JPH2: variants seen among roughly 807,000 people sequenced by gnomAD.
JPH2 encodes junctophilin 2.
JPH2 carries 38 observed loss-of-function variants against 55.9 expected under a neutral mutation model. The observed-to-expected ratio is 0.68, with a 90% CI of 0.52 to 0.89. The LOEUF (loss-of-function observed/expected upper bound fraction) is 0.89. Ranked by LOEUF, JPH2 falls within the 40% of genes least tolerant of loss-of-function variation. The pLI is 0.00. For missense variants in JPH2, 964 were observed against 1,037.6 expected, an observed-to-expected ratio of 0.93 and a Z score of 0.97; for synonymous variants, 480 against 472.4, an observed-to-expected ratio of 1.02 and a Z score of -0.21.
At position 44,151,629 on chromosome 20, in the gene JPH2, C is replaced by T. The variant is rs551279183; in HGVS notation, c.1169+7989G>A. Among the ~76,000 whole-genome samples the T allele has an allele frequency of 1.2e-4, 18 of 152,262 alleles. 1 individual carries two copies. Among genetic ancestry groups the T allele is most frequent in the South Asian group, 4.2e-4 (2 of 4,816 alleles). ...TTCCCCCAAGAGGGCTTGCAGAGAC[C>T]GGGGAGACCTGGTTCCCATGGTCCC... On this transcript the variant is annotated intron_variant, in intron 2 of 5. Transcript: ENST00000372980.
chr20:44,117,270 T>C (rs888494074), intron 3 of JPH2, among the ~76,000 whole-genome samples: 20 of 150,718 alleles, frequency 1.3e-4, no homozygotes, highest in Non-Finnish European at 2.7e-4. Flanking sequence ...AGAGCGAGAC[T>C]CCGTCTCAAA....
chr20:44,157,562 C>A (rs2072574609), intron 2 of JPH2, among the ~76,000 whole-genome samples: 1 of 152,218 alleles, frequency 6.6e-6, no homozygotes, highest in Admixed American at 6.5e-5. Context: ...ACTCACCTCA[C>A]AATAGGATTG....
At position 44,110,953 on chromosome 20, in the gene JPH2, T is replaced by C. The variant is rs963574591; in HGVS notation, c.*2565A>G. ...GGTGTGCCTGAACTCGAGCCTACTGTTGGTTGAGGGACCTTCTTCTCCAAC... is the reference window on the plus strand; with the variant it reads ...GGTGTGCCTGAACTCGAGCCTACTGCTGGTTGAGGGACCTTCTTCTCCAAC... On this transcript the variant is annotated 3_prime_UTR_variant, in exon 6 of 6. Transcript: ENST00000372980. Among the ~76,000 whole-genome samples, 4 of 152,164 alleles carry C rather than the reference T, an allele frequency of 2.6e-5. No individual in the cohort carries two copies. Among genetic ancestry groups the C allele is most frequent in the African/African-American group, 9.7e-5 (4 of 41,442 alleles).
chr20:44,107,187 A>T lies in JPH2; in HGVS notation c.*6331T>A, dbSNP rs1194772774. On this transcript the variant is annotated 3_prime_UTR_variant, in exon 6 of 6. Coordinates refer to ENST00000372980, the MANE Select transcript of JPH2 (RefSeq NM_020433.5). ...CAGGATTAGAAACTAGGTCTGTCCA[A>T]TTCCAAAGCCCCAACCCATCCCCAC... 6.6e-6 allele frequency among the ~76,000 whole-genome samples: 1 copy of T among 152,276 alleles called. No individual in the cohort carries two copies.
chr20:44,110,227 C>A lies in JPH2; in HGVS notation c.*3291G>T, dbSNP rs188110007. 6.6e-6 allele frequency among the ~76,000 whole-genome samples: 1 copy of A among 150,932 alleles called. No homozygotes were observed. The highest frequency in any genetic ancestry group is 1.5e-5 in the Non-Finnish European group (1 of 67,566). Reference sequence around the variant, plus strand: ...CCAACTCATCCAACACACACACATACACACACACACACAGACACACCCCAT... The same window carrying A: ...CCAACTCATCCAACACACACACATAAACACACACACACAGACACACCCCAT... On this transcript the variant is annotated 3_prime_UTR_variant, in exon 6 of 6. Coordinates refer to ENST00000372980, the MANE Select transcript of JPH2 (RefSeq NM_020433.5).
chr20:44,176,243 C>G (rs79529120), intron 1 of JPH2, among the ~76,000 whole-genome samples: 24 of 152,182 alleles, frequency 1.6e-4, no homozygotes, highest in Non-Finnish European at 2.8e-4. Flanking sequence ...TCACCTAATA[C>G]CTATTTTCCC....
At chr20:44,128,374 G>A (rs901929409) in intron 2 of JPH2, among the ~76,000 whole-genome samples, 1 of 152,160 alleles carries the variant, frequency 6.6e-6, no homozygotes, top group Non-Finnish European at 1.5e-5. Flanking sequence ...TAGATCATTT[G>A]CTCATTCTCG....
At chr20:44,177,843 C>T in intron 1 of JPH2, 1 of 1,603,672 alleles carries the variant, frequency 6.2e-7, no homozygotes, top group East Asian at 2.2e-5. Flanking sequence ...AATTAATTCA[C>T]CCTTTGGAAT....
At chr20:44,139,147 T>C (rs1016435832) in intron 2 of JPH2, among the ~76,000 whole-genome samples, 2 of 152,118 alleles carry the variant, frequency 1.3e-5, no homozygotes, top group East Asian at 1.9e-4. Context: ...GGCCGGCTTT[T>C]TTCCCCCCAA....
At chr20:44,185,315 T>A (rs562528231) in intron 1 of JPH2, among the ~76,000 whole-genome samples, 18 of 151,852 alleles carry the variant, frequency 1.2e-4, no homozygotes, top group African/African-American at 4.3e-4. Context: ...TTAAAAAATT[T>A]AAAAAAGGAA....
intron 1 of JPH2, among the ~76,000 whole-genome samples, chr20:44,168,540 A>G (rs2072673364): frequency 6.6e-6 from 1 of 152,222 alleles, no homozygotes; most frequent in African/African-American, 2.4e-5. Context: ...CTGCAGACAA[A>G]AGAGTATCTT....
chr20:44,132,571 A>G (rs1263323770), intron 2 of JPH2, among the ~76,000 whole-genome samples: 2 of 151,596 alleles, frequency 1.3e-5, no homozygotes, highest in Non-Finnish European at 1.5e-5. Flanking sequence ...ACGAGGCCGG[A>G]GAGGGCTGGG....
At chr20:44,177,214 C>A in intron 1 of JPH2, 1 of 985,712 alleles carries the variant, frequency 1.0e-6, no homozygotes, top group African/African-American at 1.7e-5. Flanking sequence ...GGATAACCCT[C>A]CAAGGCAGGA....
In JPH2 at chr20:44,160,175, G is replaced by A. The variant is rs922166422; in HGVS notation, c.612C>T (p.Leu204=). The A allele has an allele frequency of 1.2e-5, 17 of 1,409,116 alleles. No individual in the cohort carries two copies. The highest frequency in any genetic ancestry group is 1.6e-5 in the Non-Finnish European group (17 of 1,091,586). 87.3% of individuals were successfully genotyped at this position (1,409,116 alleles called of 1,614,324 possible). Residue 204 remains leucine, a synonymous_variant, in exon 2 of 6, where the codon CTC becomes CTT. Coordinates refer to ENST00000372980, the MANE Select transcript of JPH2 (RefSeq NM_020433.5). The surrounding 1 kb of genome is among the most constrained non-coding windows in gnomAD (Gnocchi z 4.9). The part of the protein sequence containing the change: ...AIPRGGFALS[L]LANAEAAARA... Reference sequence around the variant, plus strand: ...GCGCGGCCGCCTCGGCATTGGCCAGGAGGCTGAGCGCGAAGCCGCCACGCG... The same window carrying A: ...GCGCGGCCGCCTCGGCATTGGCCAGAAGGCTGAGCGCGAAGCCGCCACGCG...
rs1236865232 is a variant in JPH2 at position 44,108,943 on chromosome 20, A to G, written c.*4575T>C. ...TGCCTCCATCTCTGACAACCTAAGG[A>G]GTTATTTCCTCAAGCTTCTTCAGAG... On this transcript the variant is annotated 3_prime_UTR_variant, in exon 6 of 6. Transcript: ENST00000372980. 2.6e-5 allele frequency among the ~76,000 whole-genome samples: 4 copies of G among 152,194 alleles called. No homozygotes were observed. The highest frequency in any genetic ancestry group is 9.7e-5 in the African/African-American group (4 of 41,438).
At chr20:44,142,973 G>A (rs981796479) in intron 2 of JPH2, among the ~76,000 whole-genome samples, 2 of 152,096 alleles carry the variant, frequency 1.3e-5, no homozygotes, top group South Asian at 2.1e-4. Flanking sequence ...GGGAGCCGGG[G>A]GCACATAAAA....
intron 5 of JPH2, among the ~76,000 whole-genome samples, chr20:44,114,197 C>T (rs759712887): frequency 6.6e-6 from 1 of 152,098 alleles, no homozygotes; most frequent in Non-Finnish European, 1.5e-5. Context: ...CCAGCTCCAT[C>T]ATGGGGAAAA....
At chr20:44,113,658 C>T (rs368770003) in intron 5 of JPH2, among the ~76,000 whole-genome samples, 155 bp from the exon 6 acceptor site, 1 of 152,344 alleles carries the variant, frequency 6.6e-6, no homozygotes, top group Admixed American at 6.5e-5. Flanking sequence ...GATTCTGATA[C>T]TCGGCAGGTC....
At chr20:44,114,306 G>A (rs2072169321) in intron 5 of JPH2, among the ~76,000 whole-genome samples, 1 of 152,210 alleles carries the variant, frequency 6.6e-6, no homozygotes, top group Admixed American at 6.5e-5. Context: ...GCACGGAGAT[G>A]AGTGTCCCAC....
Sources: allele counts gnomAD v4.1 joint callset (sites outside exome capture counted in the v4.1 genomes callset), GRCh38; gene constraint gnomAD v4.1.1; non-coding constraint Gnocchi (gnomAD v3.1); transcripts MANE v1.5; gene names NCBI Gene and HGNC (gene_info 2026-07-23, HGNC 2026-07-21).